ZNF264: variants seen among roughly 807,000 people sequenced by gnomAD.
The protein encoded by ZNF264 is zinc finger protein 264.
In ZNF264, 11 loss-of-function variants were observed where a neutral mutation model predicts 11.2. That is an observed-to-expected ratio of 0.98 (90% CI 0.62 to 1.63). ZNF264 has a LOEUF of 1.63. Among genes scored for constraint, ZNF264 ranks in the 40% most tolerant of loss-of-function variants. ZNF264 has a pLI of 0.00. For missense variants in ZNF264, 752 were observed against 768.1 expected, an observed-to-expected ratio of 0.98 and a Z score of 0.25; for synonymous variants, 309 against 279.8, an observed-to-expected ratio of 1.10 and a Z score of -1.04.
intron 2 of ZNF264, among the ~76,000 whole-genome samples, chr19:57,200,829 C>G (rs557349381): frequency 2.0e-5 from 3 of 151,966 alleles, no homozygotes; most frequent in African/African-American, 7.3e-5. Context: ...CCAGGCTCGC[C>G]TCGAACTCCT....
At chr19:57,199,581 CA>C (rs1342322991) in intron 2 of ZNF264, among the ~76,000 whole-genome samples, 1 of 151,860 alleles carries the variant, frequency 6.6e-6, no homozygotes. Flanking sequence ...TTAGTGAGCC[CA>C]AATCAATAAA....
intron 2 of ZNF264, among the ~76,000 whole-genome samples, chr19:57,200,185 G>A (rs1272463017): frequency 6.6e-6 from 1 of 151,716 alleles, no homozygotes; most frequent in Non-Finnish European, 1.5e-5. Flanking sequence ...GCAACAAAAG[G>A]TGCATGCACA....
intron 3 of ZNF264, among the ~76,000 whole-genome samples, chr19:57,207,855 T>C (rs1254089107): frequency 6.6e-6 from 1 of 152,124 alleles, no homozygotes; most frequent in Non-Finnish European, 1.5e-5. Context: ...GCCTCCCGAA[T>C]AGCTGGGATT....
intron 3 of ZNF264, 52 bp from the exon 4 acceptor site, chr19:57,211,302 T>C (rs2087333024): frequency 6.8e-7 from 1 of 1,470,176 alleles, no homozygotes. Context: ...ATATTCTTTT[T>C]TCCATGTTGT....
intron 2 of ZNF264, among the ~76,000 whole-genome samples, chr19:57,201,077 A>G (rs747273068): frequency 2.4e-4 from 37 of 152,048 alleles, no homozygotes; most frequent in Middle Eastern, 3.4e-3. Flanking sequence ...ATATATATAC[A>G]ACTTATTTAT....
chr19:57,211,186 G>A (rs2087332087), intron 3 of ZNF264, among the ~76,000 whole-genome samples, 168 bp from the exon 4 acceptor site: 1 of 152,136 alleles, frequency 6.6e-6, no homozygotes, highest in South Asian at 2.1e-4. Flanking sequence ...AATATCCCGA[G>A]TCCAAGGACC....
rs1481061744 is a variant in ZNF264 at position 57,212,879 on chromosome 19, T to C, written c.1782T>C (p.Phe594=). The C allele has an allele frequency of 6.2e-7, 1 of 1,614,210 alleles. No individual in the cohort carries two copies. The highest frequency in any genetic ancestry group is 8.5e-7 in the Non-Finnish European group (1 of 1,180,038). The change falls in exon 4 of 4, where the codon TTT becomes TTC. Residue 594 remains phenylalanine (F), a synonymous_variant. Coordinates refer to ENST00000263095, the MANE Select transcript of ZNF264 (RefSeq NM_003417.5). ...TLRELLLGKD[F]LNVTTEANIL... is the part of the protein sequence containing the mutation. ...GAGAACTTCTTTTAGGGAAGGACTT[T>C]TTGAATGTAACCACTGAGGCAAATA...
chr19:57,207,476 T>G (rs1302386271), intron 3 of ZNF264, among the ~76,000 whole-genome samples: 1 of 152,014 alleles, frequency 6.6e-6, no homozygotes, highest in African/African-American at 2.4e-5. Flanking sequence ...CCTTTCTTCA[T>G]TTATATTCTG....
chr19:57,215,562 C>A lies in ZNF264; in HGVS notation c.*2581C>A, dbSNP rs893841889. On this transcript the variant is annotated 3_prime_UTR_variant, in exon 4 of 4. Coordinates refer to ENST00000263095, the MANE Select transcript of ZNF264 (RefSeq NM_003417.5). The stretch of plus-strand genomic sequence containing the variant: ...TTCTGCTCTGATCGGTATTATATTC[C>A]ACTTGCTTTGGTTGTATTTGGCTCT... The A allele has an allele frequency of 2.0e-5, 3 of 151,922 alleles. No homozygotes were observed. The highest frequency in any genetic ancestry group is 4.4e-5 in the Non-Finnish European group (3 of 67,986). 9.4% of individuals were successfully genotyped at this position (151,922 alleles called of 1,614,324 possible). A position where few individuals can be genotyped will look rare whatever the true frequency, so the allele number is the denominator to read the frequency against.
Position 57,202,428 on chromosome 19 carries a change from G to GTTCCTGATTCA in ZNF264, c.161-2967_161-2957dup, listed in dbSNP as rs2087260020. 1.3e-5 allele frequency among the ~76,000 whole-genome samples: 2 copies of GTTCCTGATTCA among 151,812 alleles called. 1 individual carries two copies. The highest frequency in any genetic ancestry group is 4.9e-5 in the African/African-American group (2 of 41,128). On this transcript the variant is annotated intron_variant, in intron 2 of 3. Transcript: ENST00000263095. ...TGATACATACTGGTTTTTGTCCACC[G>GTTCCTGATTCA]TTCCTGATTCATAACCCCTATAGCC... is the stretch of plus-strand genomic sequence containing the variant.
chr19:57,210,525 C>CG (rs1354768112), intron 3 of ZNF264, among the ~76,000 whole-genome samples: 1 of 152,162 alleles, frequency 6.6e-6, no homozygotes, highest in Non-Finnish European at 1.5e-5. Context: ...TTCAGGAACT[C>CG]GCTGTGCCCC....
At chr19:57,196,504 A>G (rs1366829221) in intron 2 of ZNF264, among the ~76,000 whole-genome samples, 1 of 151,832 alleles carries the variant, frequency 6.6e-6, no homozygotes. Context: ...CAGATTGGGC[A>G]CTCAGCAGTG....
At chr19:57,191,980 C>G in intron 1 of ZNF264, 34 bp downstream of exon 1, 1 of 1,512,362 alleles carries the variant, frequency 6.6e-7, no homozygotes, top group Non-Finnish European at 8.9e-7. Context: ...TTGCCGCTTC[C>G]TTGCCAGCGC....
At chr19:57,193,836 C>G in intron 1 of ZNF264, 39 bp from the exon 2 acceptor site, 1 of 1,609,640 alleles carries the variant, frequency 6.2e-7, no homozygotes, top group Non-Finnish European at 8.5e-7. Context: ...CATTCAGCAG[C>G]TGAAAGGCCA....
rs898166177 is a variant in ZNF264, at chr19:57,193,757, C to G, written c.34-118C>G. Reference sequence around the variant, plus strand: ...TGAGCCCAGCACAGAGCTAGGCCCTCAGGAGGTGCTCTGTGATTCAGGCCG... The same window carrying G: ...TGAGCCCAGCACAGAGCTAGGCCCTGAGGAGGTGCTCTGTGATTCAGGCCG... On this transcript the variant is annotated intron_variant, in intron 1 of 3. Transcript: ENST00000263095. 9 of 1,422,942 alleles carry G rather than the reference C, an allele frequency of 6.3e-6. No homozygotes were observed. In the African/African-American group the frequency reaches 1.1e-4, roughly 18 times the overall value. The allele number at this position is 1,422,942 out of a possible 1,614,324, so 88.1% of individuals were successfully genotyped here.
In ZNF264 at chr19:57,218,796, C is replaced by T. The variant is rs2087397878; in HGVS notation, c.*5815C>T. ...GTTTTCATTTTGGTTTTGTATTTTCCAGTTGTTTAATTTCCATTGGGTGGG... is the reference window on the plus strand; with the variant it reads ...GTTTTCATTTTGGTTTTGTATTTTCTAGTTGTTTAATTTCCATTGGGTGGG... On this transcript the variant is annotated 3_prime_UTR_variant, in exon 4 of 4. Coordinates refer to ENST00000263095, the MANE Select transcript of ZNF264 (RefSeq NM_003417.5). The T allele has an allele frequency of 6.6e-6, 1 of 151,972 alleles. No homozygotes were observed. The highest frequency in any genetic ancestry group is 2.1e-4 in the South Asian group (1 of 4,826). 9.4% of individuals were successfully genotyped at this position (151,972 alleles called of 1,614,324 possible).
intron 3 of ZNF264, among the ~76,000 whole-genome samples, chr19:57,209,392 A>G (rs1599953353): frequency 1.3e-5 from 2 of 152,186 alleles, no homozygotes; most frequent in Middle Eastern, 3.2e-3. Flanking sequence ...TCGTTTCCTT[A>G]ATTTAACAGA....
At chr19:57,193,747 G>A in intron 1 of ZNF264, 128 bp from the exon 2 acceptor site, 7 of 1,372,082 alleles carry the variant, frequency 5.1e-6, no homozygotes, top group South Asian at 1.4e-5. Flanking sequence ...CCAGCACAGA[G>A]CTAGGCCCTC....
rs1268730392 is a variant in ZNF264 at position 57,211,459 on chromosome 19, C to T, written c.362C>T (p.Ser121Leu). The change falls in exon 4 of 4, where the codon TCA (serine) becomes TTA (leucine). Residue 121 changes from serine to leucine, a missense_variant. Ser to Leu is a moderately radical substitution (Grantham distance 145). Transcript: ENST00000263095. ...GTGACACAAGGAAACTCAGTGGACTCACAGTTGGGGCAAGCCGAGGATCAG... is the reference window on the plus strand; with the variant it reads ...GTGACACAAGGAAACTCAGTGGACTTACAGTTGGGGCAAGCCGAGGATCAG... ...GQVTQGNSVD[S>L]QLGQAEDQDG... 2 of 1,614,082 alleles carry T rather than the reference C, an allele frequency of 1.2e-6. No homozygotes were observed. The highest frequency in any genetic ancestry group is 8.5e-7 in the Non-Finnish European group (1 of 1,180,036).
Sources: gnomAD v4.1 joint callset for allele counts (sites outside exome capture counted in the v4.1 genomes callset) on GRCh38, gnomAD v4.1.1 for gene constraint, MANE v1.5 for transcripts, NCBI Gene and HGNC (gene_info 2026-07-23, HGNC 2026-07-21) for gene names.